MARCHF1: variants seen among roughly 807,000 people sequenced by gnomAD.
MARCHF1 encodes the protein membrane associated ring-CH-type finger 1, also known as E3 ubiquitin-protein ligase MARCHF1.
In MARCHF1, 40 loss-of-function variants were observed where a neutral mutation model predicts 54.2. The ratio of observed to expected loss-of-function variants is 0.74; its 90% CI spans 0.57 to 0.96. MARCHF1 has a LOEUF of 0.96. Among genes scored for constraint, MARCHF1 ranks in the 40% least tolerant of loss-of-function variants. MARCHF1 has a pLI of 0.00. For synonymous variants in MARCHF1, 236 were observed against 236.3 expected (o/e 1.00, Z 0.01); for missense variants, 586 against 656.5 (o/e 0.89, Z 1.17).
At chr4:164,381,979 C>T (rs1338290982) in intron 1 of MARCHF1, among the ~76,000 whole-genome samples, 4 of 152,176 alleles carry the variant, frequency 2.6e-5, no homozygotes, top group Non-Finnish European at 5.9e-5. Flanking sequence ...TTAAAACAAG[C>T]TCTTTGCTCA....
chr4:164,239,513 A>G (rs769182641), intron 1 of MARCHF1, among the ~76,000 whole-genome samples: 2 of 152,164 alleles, frequency 1.3e-5, no homozygotes, highest in Non-Finnish European at 2.9e-5. Flanking sequence ...ACATGATTAT[A>G]GTCAGATAGT....
At position 163,720,672 on chromosome 4, in the gene MARCHF1, C is replaced by G. The variant is rs554901473; in HGVS notation, c.112-19809G>C. ...TTCCTATCCATGAACATGGAATGTT[C>G]TTTCATTTGTTTGTGTCCTCTTTTA... On this transcript the variant is annotated intron_variant, in intron 4 of 9. Coordinates refer to ENST00000514618, the MANE Select transcript of MARCHF1 (RefSeq NM_001394959.1). Among the ~76,000 whole-genome samples, 156 of 152,266 alleles carry G rather than the reference C, an allele frequency of 1.0e-3. 1 individual carries two copies. Among genetic ancestry groups the G allele is most frequent in the African/African-American group, 3.8e-3 (156 of 41,556 alleles).
intron 2 of MARCHF1, among the ~76,000 whole-genome samples, chr4:164,060,069 G>T (rs1387653571): frequency 6.6e-6 from 1 of 152,034 alleles, no homozygotes; most frequent in Non-Finnish European, 1.5e-5. Flanking sequence ...ATACAAATCA[G>T]CATATATTCA....
intron 5 of MARCHF1, among the ~76,000 whole-genome samples, chr4:163,676,059 T>C (rs970763797): frequency 6.6e-6 from 1 of 151,844 alleles, no homozygotes; most frequent in African/African-American, 2.4e-5. Flanking sequence ...AATCAGAAGA[T>C]TGGCCGGGTG....
intron 3 of MARCHF1, among the ~76,000 whole-genome samples, chr4:163,894,285 T>C (rs1750727068): frequency 6.6e-6 from 1 of 152,056 alleles, no homozygotes; most frequent in African/African-American, 2.4e-5. Context: ...TTTTGCACTT[T>C]ATATTGCAGT....
At chr4:164,316,937 TC>T (rs1325414790) in intron 1 of MARCHF1, among the ~76,000 whole-genome samples, 1 of 152,154 alleles carries the variant, frequency 6.6e-6, no homozygotes, top group Admixed American at 6.6e-5. Context: ...TCCTGAGTCC[TC>T]CCCAGAAGCA....
Position 164,246,534 on chromosome 4 carries a change from G to C in MARCHF1, c.-322-134872C>G, listed in dbSNP as rs10434176. 7.4e-3 allele frequency among the ~76,000 whole-genome samples: 299 copies of C among 40,368 alleles called. 6 individuals are homozygous for C. Among genetic ancestry groups the C allele is most frequent in the East Asian group, 0.02 (16 of 816 alleles). 26.5% of individuals were successfully genotyped at this position (40,368 alleles called of 152,430 possible). ...CCTAGGCATTACCATTCAGGACATA[G>C]GCATGGGCAAGGACTTCATGTCTAA... On this transcript the variant is annotated intron_variant, in intron 1 of 9. Transcript: ENST00000514618.
chr4:164,052,267 AAT>A (rs1560880884), intron 2 of MARCHF1, among the ~76,000 whole-genome samples: 1 of 8,618 alleles, frequency 1.2e-4, no homozygotes, highest in Non-Finnish European at 5.8e-4. Flanking sequence ...TCACGCCTGT[AAT>A]CCTGTAATCC....
rs146994347 is a variant in MARCHF1, at chr4:164,202,031, G to A, written c.-322-90369C>T. On this transcript the variant is annotated intron_variant, in intron 1 of 9. Coordinates refer to ENST00000514618, the MANE Select transcript of MARCHF1 (RefSeq NM_001394959.1). ...TGTCAGGCTCTAGGGCTATAGTAGC[G>A]AATGAAATGAAAATATATCAGCTCT... Among the ~76,000 whole-genome samples the A allele has an allele frequency of 3.7e-3, 565 of 152,256 alleles. 4 individuals carry two copies. The highest frequency in any genetic ancestry group is 0.012 in the African/African-American group (506 of 41,546).
chr4:164,243,622 G>C (rs1732845428), intron 1 of MARCHF1, among the ~76,000 whole-genome samples: 2 of 152,098 alleles, frequency 1.3e-5, no homozygotes, highest in East Asian at 3.9e-4. Context: ...AACTTTAAAT[G>C]TCAATGGACT....
intron 1 of MARCHF1, among the ~76,000 whole-genome samples, chr4:164,311,211 T>C (rs1734842705): frequency 1.3e-5 from 2 of 152,128 alleles, no homozygotes; most frequent in South Asian, 2.1e-4. Flanking sequence ...TGATCTATTG[T>C]TAGGATGATT....
chr4:163,859,987 C>G (rs191427602), intron 3 of MARCHF1, among the ~76,000 whole-genome samples: 1 of 152,186 alleles, frequency 6.6e-6, no homozygotes, highest in Non-Finnish European at 1.5e-5. Flanking sequence ...AATGTAGAGA[C>G]TTCCAGTTTA....
intron 1 of MARCHF1, among the ~76,000 whole-genome samples, chr4:164,241,454 T>G (rs1279849515): frequency 6.6e-6 from 1 of 152,228 alleles, no homozygotes; most frequent in Non-Finnish European, 1.5e-5. Flanking sequence ...AATATTTTCA[T>G]CTTTTTTGAC....
chr4:163,859,155 A>G (rs1290284378), intron 3 of MARCHF1, among the ~76,000 whole-genome samples: 3 of 152,150 alleles, frequency 2.0e-5, no homozygotes, highest in Non-Finnish European at 4.4e-5. Flanking sequence ...TTTAGCTTAG[A>G]CTATCTGAAA....
At chr4:163,970,078 TC>T (rs1162761447) in intron 3 of MARCHF1, among the ~76,000 whole-genome samples, 5 of 152,102 alleles carry the variant, frequency 3.3e-5, no homozygotes, top group African/African-American at 1.2e-4. Context: ...AGATACAACC[TC>T]CAATACAAGA....
chr4:163,824,300 C>G (rs905235079), intron 4 of MARCHF1, among the ~76,000 whole-genome samples: 3 of 151,794 alleles, frequency 2.0e-5, no homozygotes, highest in African/African-American at 4.8e-5. Context: ...AGATATAGAT[C>G]AATGGAACAG....
intron 1 of MARCHF1, among the ~76,000 whole-genome samples, chr4:164,145,337 C>T (rs942808764): frequency 4.7e-4 from 72 of 152,110 alleles, no homozygotes; most frequent in Non-Finnish European, 7.4e-4. Flanking sequence ...CCAGCATCAT[C>T]CTGATACCAA....
chr4:164,378,612 G>C (rs545093308), intron 1 of MARCHF1, among the ~76,000 whole-genome samples: 10 of 152,210 alleles, frequency 6.6e-5, no homozygotes, highest in Non-Finnish European at 1.5e-4. Flanking sequence ...TCAGTCACTG[G>C]GTGGATTACA....
At chr4:163,760,402 G>A (rs1423408214) in intron 4 of MARCHF1, among the ~76,000 whole-genome samples, 1 of 152,062 alleles carries the variant, frequency 6.6e-6, no homozygotes, top group Non-Finnish European at 1.5e-5. Flanking sequence ...CAAGTTTTAC[G>A]GATGAGGATG....
Sources: allele counts gnomAD v4.1 joint callset (sites outside exome capture counted in the v4.1 genomes callset), GRCh38; gene constraint gnomAD v4.1.1; transcripts MANE v1.5; gene names NCBI Gene and HGNC (gene_info 2026-07-23, HGNC 2026-07-21).